Variants in ABCA12 observed in about 807,000 individuals in gnomAD.
ABCA12 encodes the protein glucosylceramide transporter ABCA12.
Under a neutral mutation model 293.5 loss-of-function variants are expected in ABCA12, and 156 were observed. The ratio of observed to expected loss-of-function variants is 0.53; its 90% CI spans 0.47 to 0.61. The LOEUF is 0.61. ABCA12 is among the 20% of genes least tolerant of loss of function. The probability of loss-of-function intolerance (pLI) is 0.00; values close to 1 mark genes in which losing one functional copy is unlikely to be tolerated. For synonymous variants in ABCA12, 1,063 were observed against 1,108.0 expected (o/e 0.96, Z 0.81); for missense variants, 2,797 against 3,090.2 (o/e 0.91, Z 2.25).
At chr2:215,021,526 C>T (rs970251108) in intron 11 of ABCA12, among the ~76,000 whole-genome samples, 1 of 152,032 alleles carries the variant, frequency 6.6e-6, no homozygotes, top group Non-Finnish European at 1.5e-5. Context: ...AATATGTGCC[C>T]CTGGGAAAGA....
chr2:214,940,293 C>G (rs936907549), intron 50 of ABCA12, among the ~76,000 whole-genome samples: 3 of 152,264 alleles, frequency 2.0e-5, no homozygotes. Context: ...TTGAACAAGC[C>G]TTGCATCCCA....
intron 45 of ABCA12, among the ~76,000 whole-genome samples, chr2:214,950,358 A>C (rs1007590251): frequency 9.2e-6 from 1 of 108,234 alleles, no homozygotes; most frequent in African/African-American, 2.9e-5. Flanking sequence ...GTGTGTATAT[A>C]TATATATGTG....
intron 2 of ABCA12, among the ~76,000 whole-genome samples, chr2:215,109,245 G>T (rs963972509): frequency 6.6e-6 from 1 of 152,104 alleles, no homozygotes; most frequent in African/African-American, 2.4e-5. Context: ...AGGAGTTTCA[G>T]ACTTAGAAAA....
chr2:215,060,203 G>T (rs76225711), intron 3 of ABCA12, among the ~76,000 whole-genome samples: 1 of 151,980 alleles, frequency 6.6e-6, no homozygotes, highest in South Asian at 2.1e-4. Context: ...AGCAGTTTAC[G>T]TGTTATCTTG....
At chr2:215,021,178 T>TA (rs1242799854) in intron 11 of ABCA12, among the ~76,000 whole-genome samples, 2 of 152,198 alleles carry the variant, frequency 1.3e-5, no homozygotes, top group East Asian at 3.8e-4. Context: ...CAAAAAATTT[T>TA]AAAAGCCTTT....
chr2:214,968,397 T>C (rs1484969525), intron 38 of ABCA12, among the ~76,000 whole-genome samples: 1 of 152,166 alleles, frequency 6.6e-6, no homozygotes. Context: ...TGGAGCTGAG[T>C]TCTTTCATTT....
chr2:215,027,495 C>T (rs1453415991), intron 9 of ABCA12, among the ~76,000 whole-genome samples: 2 of 151,958 alleles, frequency 1.3e-5, no homozygotes. Context: ...TTTAATATGC[C>T]ATCATAGGTC....
chr2:215,004,606 A>G (rs1227798623), intron 19 of ABCA12, among the ~76,000 whole-genome samples: 1 of 152,188 alleles, frequency 6.6e-6, no homozygotes, highest in African/African-American at 2.4e-5. Context: ...CCTCATGGCT[A>G]TATTATTCCT....
Position 214,984,810 on chromosome 2 carries a change from C to G in ABCA12, c.4164-945G>C, listed in dbSNP as rs1311935160. 2.6e-5 allele frequency among the ~76,000 whole-genome samples: 4 copies of G among 152,140 alleles called. 1 individual carries two copies. The East Asian group carries it at 5.8e-4, about 22-fold the overall frequency. On this transcript the variant is annotated intron_variant, in intron 28 of 52. Transcript: ENST00000272895. ...CCTCATGGGACCATCACCATCACCA[C>G]CTGCCTAACCCATCACTCTAAGCTC... is the stretch of plus-strand genomic sequence containing the variant.
At chr2:215,073,377 C>A (rs1701774550) in intron 2 of ABCA12, among the ~76,000 whole-genome samples, 2 of 152,006 alleles carry the variant, frequency 1.3e-5, no homozygotes, top group South Asian at 4.1e-4. Context: ...GTAGGACATT[C>A]TCCCTCTAAA....
At chr2:215,013,330 G>A (rs1700416117) in intron 15 of ABCA12, 1 of 152,216 alleles carries the variant, frequency 6.6e-6, no homozygotes, top group Non-Finnish European at 1.5e-5. Context: ...TAGGCAGAGG[G>A]GCAAAGCTGT....
At chr2:214,979,406 C>T (rs1559127040) in intron 31 of ABCA12, among the ~76,000 whole-genome samples, 1 of 152,200 alleles carries the variant, frequency 6.6e-6, no homozygotes, top group Non-Finnish European at 1.5e-5. Context: ...CTCCAACTCT[C>T]AGCTCAACTG....
chr2:215,049,896 G>C (rs1476278575), intron 5 of ABCA12, 85 bp from the exon 6 acceptor site: 9 of 1,338,058 alleles, frequency 6.7e-6, no homozygotes, highest in Non-Finnish European at 8.3e-6. Flanking sequence ...AATCTAAGCT[G>C]TCTTCAAAAT....
chr2:214,967,246 A>G (rs981709835), intron 38 of ABCA12, among the ~76,000 whole-genome samples: 2 of 152,154 alleles, frequency 1.3e-5, no homozygotes, highest in African/African-American at 2.4e-5. Flanking sequence ...AGAAATCATT[A>G]TCTACATCCC....
Position 214,976,040 on chromosome 2 carries a change from G to T in ABCA12, c.5129-3C>A. ...CTCTCCTCTTGTCAGGATTTTGTCTGATTAAGAAAAAGAGATTGGATATGG... is the reference window on the plus strand; with the variant it reads ...CTCTCCTCTTGTCAGGATTTTGTCTTATTAAGAAAAAGAGATTGGATATGG... On this transcript the variant is annotated splice_polypyrimidine_tract_variant and splice_region_variant and intron_variant, in intron 33 of 52. Coordinates refer to ENST00000272895, the MANE Select transcript of ABCA12 (RefSeq NM_173076.3). 6.2e-7 allele frequency: 1 copy of T among 1,613,920 alleles called. No individual in the cohort carries two copies. Among genetic ancestry groups the T allele is most frequent in the Non-Finnish European group, 8.5e-7 (1 of 1,179,930 alleles).
rs375925370 is a variant in ABCA12, at chr2:215,052,620, C to T, written c.410-36G>A. The T allele has an allele frequency of 1.3e-4, 189 of 1,505,850 alleles. No homozygotes were observed. In the African/African-American group the frequency reaches 2.2e-3, roughly 17 times the overall value. The allele number at this position is 1,505,850 out of a possible 1,614,324, so 93.3% of individuals were successfully genotyped here. On this transcript the variant is annotated intron_variant, in intron 4 of 52. Transcript: ENST00000272895. ...AGAAGGAACAGATTAGCATTCCACA[C>T]ACACACACACAAATGCACAGGACCA... is the stretch of plus-strand genomic sequence containing the variant.
In ABCA12 at chr2:215,138,384, C is replaced by G; in HGVS notation, c.-176G>C. 1 of 698,056 alleles carries G rather than the reference C, an allele frequency of 1.4e-6. No homozygotes were observed. The highest frequency in any genetic ancestry group is 2.5e-6 in the Non-Finnish European group (1 of 393,060). 43.2% of individuals were successfully genotyped at this position (698,056 alleles called of 1,614,324 possible). On this transcript the variant is annotated 5_prime_UTR_variant, in exon 1 of 53. Coordinates refer to ENST00000272895, the MANE Select transcript of ABCA12 (RefSeq NM_173076.3). ...TCTTCTGTTTCTGCTGGATTTTTCC[C>G]TGTGGTTAATCCTTAACCAAGAGGC... is the stretch of plus-strand genomic sequence containing the variant.
intron 2 of ABCA12, among the ~76,000 whole-genome samples, chr2:215,093,383 A>C (rs1049553831): frequency 2.0e-5 from 3 of 152,020 alleles, no homozygotes; most frequent in Non-Finnish European, 4.4e-5. Context: ...GACCCCATAA[A>C]TCCTAAATCC....
chr2:215,108,434 T>G (rs903244137), intron 2 of ABCA12, among the ~76,000 whole-genome samples: 1 of 152,168 alleles, frequency 6.6e-6, no homozygotes, highest in Non-Finnish European at 1.5e-5. Context: ...GTAAGAAATG[T>G]GAGTTCATGA....
Sources: allele counts gnomAD v4.1 joint callset (sites outside exome capture counted in the v4.1 genomes callset), GRCh38; gene constraint gnomAD v4.1.1; transcripts MANE v1.5; gene names NCBI Gene and HGNC (gene_info 2026-07-23, HGNC 2026-07-21).